EXD3: variants seen among roughly 807,000 people sequenced by gnomAD.
The protein encoded by EXD3 is exonuclease mut-7 homolog.
EXD3 carries 92 observed loss-of-function variants against 98.0 expected under a neutral mutation model. The ratio of observed to expected loss-of-function variants is 0.94; its 90% CI spans 0.79 to 1.12. The LOEUF (loss-of-function observed/expected upper bound fraction) is 1.12, where lower values mean the gene tolerates loss of function less well. EXD3 is among the 50% of genes most tolerant of loss of function. The pLI is 0.00. For synonymous variants in EXD3, 569 were observed against 526.0 expected (o/e 1.08, Z -1.12); for missense variants, 1,222 against 1,191.6 (o/e 1.03, Z -0.38).
Position 137,393,007 on chromosome 9 carries a change from T to C in EXD3, c.55+2296A>G. Reference sequence around the variant, plus strand: ...GCACCGAGGCTGTTCTCGGTGGGGGTGCCGTGTCTGTTCCAGGGAGGGCCA... The same window carrying C: ...GCACCGAGGCTGTTCTCGGTGGGGGCGCCGTGTCTGTTCCAGGGAGGGCCA... On this transcript the variant is annotated intron_variant, in intron 2 of 21. Transcript: ENST00000340951. This position sits in a 1 kb window ranked among gnomAD's most constrained non-coding sequence, Gnocchi z 4.6. 1 of 576,652 alleles carries C rather than the reference T, an allele frequency of 1.7e-6. No homozygotes were observed. Among genetic ancestry groups the C allele is most frequent in the Non-Finnish European group, 3.1e-6 (1 of 327,776 alleles). 35.7% of individuals were successfully genotyped at this position (576,652 alleles called of 1,614,324 possible).
At chr9:137,392,212 T>G (rs1157629094) in intron 2 of EXD3, 1 of 152,370 alleles carries the variant, frequency 6.6e-6, no homozygotes, top group Non-Finnish European at 1.5e-5. Context: ...GAATGTTTCT[T>G]GGCCTCGGGG....
rs1185001284 is a variant in EXD3 at position 137,349,510 on chromosome 9, C to T, written c.1516G>A (p.Ala506Thr). ...HRQMRVASVPAPAVDRARELR... is the reference protein window; with the variant it reads ...HRQMRVASVPTPAVDRARELR... ...TCCCTGGCCCTGTCCACGGCTGGGG[C>T]TGGCACGCTCGCCACCCGCATCTGC... is the stretch of plus-strand genomic sequence containing the variant. Residue 506 changes from alanine (A) to threonine (T), a missense_variant, in exon 15 of 22, where the codon GCC becomes ACC. Coordinates refer to ENST00000340951, the MANE Select transcript of EXD3 (RefSeq NM_017820.5). The surrounding 1 kb of genome is among the most constrained non-coding windows in gnomAD (Gnocchi z 7.4). 1.3e-6 allele frequency: 2 copies of T among 1,596,410 alleles called. No homozygotes were observed. Among genetic ancestry groups the T allele is most frequent in the Non-Finnish European group, 1.7e-6 (2 of 1,174,376 alleles).
intron 1 of EXD3, among the ~76,000 whole-genome samples, chr9:137,418,471 G>A (rs1338977945): frequency 6.6e-6 from 1 of 152,172 alleles, no homozygotes; most frequent in East Asian, 1.9e-4. Context: ...TATGGCATAG[G>A]AAAGCTAAAT....
chr9:137,327,376 G>C (rs542259002), intron 17 of EXD3, among the ~76,000 whole-genome samples: 1 of 152,090 alleles, frequency 6.6e-6, no homozygotes, highest in African/African-American at 2.4e-5. Flanking sequence ...CTTGTGATCC[G>C]CCCGCGTCGG....
rs578011379 is a variant in EXD3 at position 137,308,873 on chromosome 9, C to A, written c.2278+734G>T. On this transcript the variant is annotated intron_variant, in intron 20 of 21. Coordinates refer to ENST00000340951, the MANE Select transcript of EXD3 (RefSeq NM_017820.5). ...CCACCATTGAGATGGTCTCAATCTC[C>A]TGATCTTGTGATCTGCCCGCCTCGG... 9.9e-5 allele frequency among the ~76,000 whole-genome samples: 15 copies of A among 152,234 alleles called. No individual in the cohort carries two copies. In the East Asian group the frequency reaches 2.9e-3, roughly 29 times the overall value.
chr9:137,416,082 G>A (rs1838216650), intron 1 of EXD3, among the ~76,000 whole-genome samples: 1 of 152,236 alleles, frequency 6.6e-6, no homozygotes, highest in African/African-American at 2.4e-5. Context: ...ACTAGGATGG[G>A]ATCTTAGCCT....
intron 19 of EXD3, among the ~76,000 whole-genome samples, chr9:137,320,206 G>A (rs113950356): frequency 0.025 from 3,761 of 152,288 alleles, 62 homozygotes; most frequent in African/African-American, 0.039. Context: ...GGCCAAGGCA[G>A]CCCCCCCGCC....
intron 1 of EXD3, among the ~76,000 whole-genome samples, chr9:137,410,240 T>G (rs181177598): frequency 2.0e-5 from 3 of 151,510 alleles, no homozygotes; most frequent in Non-Finnish European, 4.4e-5. Context: ...ATCCTAGCAC[T>G]GTGGGAGCCT....
Position 137,365,794 on chromosome 9 carries a change from C to T in EXD3, c.656+699G>A. The T allele has an allele frequency of 1.2e-5, 4 of 333,216 alleles. 1 individual carries two copies. The highest frequency in any genetic ancestry group is 9.5e-5 in the South Asian group (4 of 42,234). 20.6% of individuals were successfully genotyped at this position (333,216 alleles called of 1,614,324 possible). A position where few individuals can be genotyped will look rare whatever the true frequency, so the allele number is the denominator to read the frequency against. On this transcript the variant is annotated intron_variant, in intron 7 of 21. Coordinates refer to ENST00000340951, the MANE Select transcript of EXD3 (RefSeq NM_017820.5). ...ATGCACGAAAACACACGTACACCTG[C>T]AGGCACACACATGTACACATCATAT...
intron 1 of EXD3, among the ~76,000 whole-genome samples, chr9:137,421,352 TC>T (rs1838502499): frequency 6.6e-6 from 1 of 152,214 alleles, no homozygotes; most frequent in Non-Finnish European, 1.5e-5. Flanking sequence ...CCAAATATAA[TC>T]CTAAAATTTA....
intron 3 of EXD3, among the ~76,000 whole-genome samples, chr9:137,381,742 G>A (rs968037117): frequency 9.2e-5 from 14 of 152,268 alleles, no homozygotes; most frequent in African/African-American, 2.6e-4. Flanking sequence ...GGGGGCACCC[G>A]GCGTCTGTGC....
intron 17 of EXD3, among the ~76,000 whole-genome samples, chr9:137,344,710 C>A (rs544542851): frequency 6.6e-6 from 1 of 152,202 alleles, no homozygotes; most frequent in Non-Finnish European, 1.5e-5. Context: ...TGTTTAAGAG[C>A]GCTCCCCTCA....
At chr9:137,328,651 ACTACAC>A (rs1832664835) in intron 17 of EXD3, among the ~76,000 whole-genome samples, 1 of 50,354 alleles carries the variant, frequency 2.0e-5, no homozygotes. Context: ...GCTACACGGG[ACTACAC>A]GGGACTACAC....
intron 2 of EXD3, among the ~76,000 whole-genome samples, chr9:137,383,762 G>A (rs59606886): frequency 0.3 from 45,123 of 152,096 alleles, 7,327 homozygotes; most frequent in African/African-American, 0.42. Flanking sequence ...ACCCTGCACC[G>A]CAGTCCTGGC....
intron 19 of EXD3, among the ~76,000 whole-genome samples, chr9:137,317,907 A>ACCCTCTGTGCCTGTGT (rs1831779354): frequency 1.3e-5 from 2 of 151,566 alleles, no homozygotes; most frequent in East Asian, 3.9e-4. Context: ...GTCCTTCTGT[A>ACCCTCTGTGCCTGTGT]CCCTCTGTGC....
Position 137,355,703 on chromosome 9 carries a change from AG to A in EXD3, c.757+564del, listed in dbSNP as rs1564509259. On this transcript the variant is annotated intron_variant, in intron 8 of 21. Transcript: ENST00000340951. ...TGGAGGAAGGAGAAAGGGAGGAAGG[AG>A]GAAGGAGGAAGGAGGAAGGAGGAAG... 7.9e-4 allele frequency among the ~76,000 whole-genome samples: 116 copies of A among 147,240 alleles called. 2 individuals carry two copies. The highest frequency in any genetic ancestry group is 2.9e-3 in the African/African-American group (112 of 38,224).
chr9:137,390,799 C>A, intron 2 of EXD3, among the ~76,000 whole-genome samples: 1 of 152,324 alleles, frequency 6.6e-6, no homozygotes, highest in East Asian at 1.9e-4. Flanking sequence ...TGGGCCTGGG[C>A]AGGCGCCGGG....
Position 137,320,162 on chromosome 9 carries a change from A to T in EXD3, c.2184+3563T>A, listed in dbSNP as rs535304764. On this transcript the variant is annotated intron_variant, in intron 19 of 21. Coordinates refer to ENST00000340951, the MANE Select transcript of EXD3 (RefSeq NM_017820.5). ...GCGGGATGTGCACACAGAGACGCAT[A>T]TGTCTGCAAGGCCCCTGGCCGGGCA... 1.5e-3 allele frequency among the ~76,000 whole-genome samples: 225 copies of T among 152,270 alleles called. 6 individuals are homozygous for T. The highest frequency in any genetic ancestry group is 0.014 in the Admixed American group (219 of 15,310).
chr9:137,311,917 C>G (rs1323389946), intron 19 of EXD3, among the ~76,000 whole-genome samples: 1 of 152,292 alleles, frequency 6.6e-6, no homozygotes, highest in African/African-American at 2.4e-5. Context: ...GGACAGCGAT[C>G]GTCCACCTGA....
Sources: gnomAD v4.1 joint callset for allele counts (sites outside exome capture counted in the v4.1 genomes callset) on GRCh38, gnomAD v4.1.1 for gene constraint, Gnocchi (gnomAD v3.1) non-coding constraint, MANE v1.5 for transcripts, NCBI Gene and HGNC (gene_info 2026-07-23, HGNC 2026-07-21) for gene names.